Variants in UGCG observed in about 807,000 individuals in gnomAD.
The protein encoded by UGCG is ceramide glucosyltransferase.
Under a neutral mutation model 49.5 loss-of-function variants are expected in UGCG, and 10 were observed. That is an observed-to-expected ratio of 0.20 (90% confidence interval 0.12 to 0.34). The LOEUF is 0.34. UGCG is among the 10% of genes least tolerant of loss of function. The pLI is 1.00. For synonymous variants in UGCG, 182 were observed against 158.2 expected (o/e 1.15, Z -1.13); for missense variants, 312 against 483.7 (o/e 0.65, Z 3.33).
intron 1 of UGCG, among the ~76,000 whole-genome samples, chr9:111,907,688 G>A (rs1283443046): frequency 6.7e-5 from 10 of 150,272 alleles, no homozygotes; most frequent in Non-Finnish European, 1.2e-4. Flanking sequence ...GCAGTGGTGC[G>A]ATCTTGGCTC....
intron 1 of UGCG, among the ~76,000 whole-genome samples, chr9:111,905,611 G>T (rs1019878233): frequency 6.6e-6 from 1 of 152,012 alleles, no homozygotes; most frequent in Non-Finnish European, 1.5e-5. Flanking sequence ...GCACCACCGT[G>T]CCCGGCTAAT....
At chr9:111,932,578 C>CA (rs1564207106) in intron 8 of UGCG, among the ~76,000 whole-genome samples, 1 of 152,004 alleles carries the variant, frequency 6.6e-6, no homozygotes, top group African/African-American at 2.4e-5. Flanking sequence ...ATTAAGTTTC[C>CA]AAAAACATGA....
intron 4 of UGCG, among the ~76,000 whole-genome samples, chr9:111,925,501 G>T (rs1034846402): frequency 6.6e-6 from 1 of 152,168 alleles, no homozygotes; most frequent in African/African-American, 2.4e-5. Flanking sequence ...CAGCATGCCT[G>T]GTCTCTACCA....
intron 2 of UGCG, chr9:111,915,836 A>G (rs1334185318): frequency 1.0e-6 from 1 of 981,876 alleles, no homozygotes; most frequent in Admixed American, 6.2e-5. Flanking sequence ...GCACTTATTA[A>G]GTAGGTAGAC....
intron 5 of UGCG, chr9:111,929,251 C>A: frequency 5.7e-6 from 2 of 349,042 alleles, no homozygotes; most frequent in South Asian, 4.3e-5. Flanking sequence ...TTTTATATAT[C>A]AATGAGTGAT....
chr9:111,920,845 T>C (rs571094709), intron 2 of UGCG, among the ~76,000 whole-genome samples: 3 of 152,340 alleles, frequency 2.0e-5, no homozygotes, highest in South Asian at 4.1e-4. Context: ...TATGTTTTCA[T>C]GGACATAATT....
At chr9:111,905,701 G>A (rs1020809451) in intron 1 of UGCG, among the ~76,000 whole-genome samples, 1 of 152,074 alleles carries the variant, frequency 6.6e-6, no homozygotes. Flanking sequence ...TGATCCACCC[G>A]CCTCAGCCTC....
At chr9:111,931,601 G>A (rs776199823) in intron 7 of UGCG, among the ~76,000 whole-genome samples, 2 of 152,060 alleles carry the variant, frequency 1.3e-5, no homozygotes, top group Non-Finnish European at 2.9e-5. Context: ...TTAATATGCT[G>A]ATCTTTATTT....
intron 1 of UGCG, among the ~76,000 whole-genome samples, chr9:111,914,402 A>C (rs751071054): frequency 6.6e-6 from 1 of 152,208 alleles, no homozygotes; most frequent in African/African-American, 2.4e-5. Flanking sequence ...TGTTTTAAGA[A>C]AGTTTATGAA....
rs773820421 is a variant in UGCG at position 111,932,227 on chromosome 9, A to G, written c.882A>G (p.Ser294=). Residue 294 remains serine (S), a synonymous_variant, in exon 8 of 9, where the codon TCA becomes TCG. Transcript: ENST00000374279. ...CTACAATAATTTGTGAGCCAATTTC[A>G]GAATGCTTTGTTGCCAGTTTAATTA... The part of the protein sequence containing the change: ...LPATIICEPI[S]ECFVASLIIG... 1 of 1,614,190 alleles carries G rather than the reference A, an allele frequency of 6.2e-7. No individual in the cohort carries two copies. The highest frequency in any genetic ancestry group is 8.5e-7 in the Non-Finnish European group (1 of 1,180,030).
intron 3 of UGCG, among the ~76,000 whole-genome samples, chr9:111,924,404 C>CTTA (rs1838280977): frequency 6.6e-6 from 1 of 152,068 alleles, no homozygotes; most frequent in Non-Finnish European, 1.5e-5. Context: ...TTCTCATGTA[C>CTTA]TTATACTTTA....
intron 1 of UGCG, among the ~76,000 whole-genome samples, chr9:111,906,088 C>G (rs1008692666): frequency 6.6e-6 from 1 of 152,154 alleles, no homozygotes; most frequent in Non-Finnish European, 1.5e-5. Flanking sequence ...TTCCTAGTCT[C>G]TTCATCTGGT....
At chr9:111,914,577 A>T in intron 1 of UGCG, 28 bp from the exon 2 acceptor site, 1 of 1,609,270 alleles carries the variant, frequency 6.2e-7, no homozygotes, top group Non-Finnish European at 8.5e-7. Flanking sequence ...ATTCTATAGA[A>T]ATAATTTTTA....
At chr9:111,929,791 A>G in intron 6 of UGCG, 113 bp downstream of exon 6, 1 of 1,245,306 alleles carries the variant, frequency 8.0e-7, no homozygotes. Context: ...TTTTTTTGCT[A>G]GTAAGTACAG....
intron 3 of UGCG, among the ~76,000 whole-genome samples, chr9:111,924,030 C>T (rs573989308): frequency 3.3e-5 from 5 of 152,236 alleles, no homozygotes; most frequent in Non-Finnish European, 7.4e-5. Context: ...TCAGGTGATC[C>T]ACCCCCCTCG....
intron 2 of UGCG, among the ~76,000 whole-genome samples, chr9:111,921,573 C>T (rs1838221730): frequency 2.6e-5 from 4 of 151,494 alleles, no homozygotes; most frequent in African/African-American, 9.7e-5. Context: ...ATCGATTGAA[C>T]CTGGGAGGCG....
At chr9:111,909,963 G>A (rs1443153114) in intron 1 of UGCG, among the ~76,000 whole-genome samples, 1 of 152,126 alleles carries the variant, frequency 6.6e-6, no homozygotes, top group Non-Finnish European at 1.5e-5. Context: ...ATATAGTCTG[G>A]CTTATTTTGA....
rs778087517 is a variant in UGCG, at chr9:111,932,839, T to C, written c.1027T>C (p.Cys343Arg). The change falls in exon 9 of 9, where the codon TGT becomes CGT. Residue 343 changes from cysteine to arginine, a missense_variant. Physicochemically the swap from Cys to Arg is radical, Grantham distance 180. Around this residue, in one of 4 missense-constraint regions of UGCG, gnomAD observed 180 missense variants for 320.4 expected, o/e 0.56. Coordinates refer to ENST00000374279, the MANE Select transcript of UGCG (RefSeq NM_003358.3). ...TTTCCATTCCTAGGGTGGCACACTG[T>C]GTTTTTCAAAACTTGATTATGCAGT... ...QLRGVQGGTL[C>R]FSKLDYAVAW... is the part of the protein sequence containing the mutation. The C allele has an allele frequency of 6.3e-7, 1 of 1,598,796 alleles. No individual in the cohort carries two copies.
rs1237221050 is a variant in UGCG, at chr9:111,935,300, C to T, written c.*2303C>T. The T allele has an allele frequency of 6.6e-6, 1 of 151,868 alleles. No individual in the cohort carries two copies. The highest frequency in any genetic ancestry group is 1.5e-5 in the Non-Finnish European group (1 of 67,972). 9.4% of individuals were successfully genotyped at this position (151,868 alleles called of 1,614,324 possible). Reference sequence around the variant, plus strand: ...AAAAACCAGTGTCTAGAATATATACCATGTTTTATTATTTAAAATCATTGT... The same window carrying T: ...AAAAACCAGTGTCTAGAATATATACTATGTTTTATTATTTAAAATCATTGT... On this transcript the variant is annotated 3_prime_UTR_variant, in exon 9 of 9. Coordinates refer to ENST00000374279, the MANE Select transcript of UGCG (RefSeq NM_003358.3).
Sources: gnomAD v4.1 joint callset for allele counts (sites outside exome capture counted in the v4.1 genomes callset) on GRCh38, gnomAD v4.1.1 for gene constraint, gnomAD v4.1.1 regional missense constraint, MANE v1.5 for transcripts, NCBI Gene and HGNC (gene_info 2026-07-23, HGNC 2026-07-21) for gene names.